VIT: variants seen among roughly 807,000 people sequenced by gnomAD.
VIT encodes the protein vitrin.
In VIT, 99 loss-of-function variants were observed where a neutral mutation model predicts 78.0. The observed-to-expected ratio is 1.27, with a 90% CI of 1.08 to 1.50. The LOEUF is 1.50. Ranked by LOEUF, VIT falls within the 40% of genes most tolerant of loss-of-function variation. The pLI is 0.00. For synonymous variants in VIT, 374 were observed against 334.3 expected, an observed-to-expected ratio of 1.12 and a Z score of -1.29; for missense variants, 1,126 against 875.3, an observed-to-expected ratio of 1.29 and a Z score of -3.61.
Position 36,775,078 on chromosome 2 carries a change from C to A in VIT, c.802+11C>A. The A allele has an allele frequency of 6.2e-7, 1 of 1,613,426 alleles. No individual in the cohort carries two copies. Reference sequence around the variant, plus strand: ...CGGATGTCAGCCTGGGTAAGCTGCCCACTGCTTACCATCTCTGCTCCCTAG... The same window carrying A: ...CGGATGTCAGCCTGGGTAAGCTGCCAACTGCTTACCATCTCTGCTCCCTAG... On this transcript the variant is annotated intron_variant, in intron 9 of 15. Coordinates refer to ENST00000379242, the MANE Select transcript of VIT (RefSeq NM_053276.4).
At chr2:36,735,606 T>C (rs1442301420) in intron 3 of VIT, among the ~76,000 whole-genome samples, 2 of 152,136 alleles carry the variant, frequency 1.3e-5, no homozygotes, top group Non-Finnish European at 2.9e-5. Context: ...TTGGCAGAGG[T>C]GGGGAAGCCC....
intron 1 of VIT, among the ~76,000 whole-genome samples, chr2:36,706,364 A>G (rs1451971722): frequency 6.6e-6 from 1 of 152,246 alleles, no homozygotes; most frequent in Non-Finnish European, 1.5e-5. Flanking sequence ...TGCAGGAAAC[A>G]GAAACCAACT....
intron 4 of VIT, among the ~76,000 whole-genome samples, chr2:36,744,322 C>T (rs1218829394): frequency 1.3e-5 from 2 of 152,094 alleles, no homozygotes; most frequent in African/African-American, 4.8e-5. Context: ...TTGGTATATA[C>T]CCAGCAATGG....
intron 2 of VIT, among the ~76,000 whole-genome samples, chr2:36,726,124 G>A (rs1666830198): frequency 6.6e-6 from 1 of 151,110 alleles, no homozygotes; most frequent in African/African-American, 2.4e-5. Context: ...AAAATTTTAA[G>A]TGAGCATACA....
chr2:36,754,881 T>C (rs377515654), intron 4 of VIT, 40 bp from the exon 5 acceptor site: 1 of 1,596,178 alleles, frequency 6.3e-7, no homozygotes, highest in South Asian at 1.1e-5. Flanking sequence ...TCAAAAAATA[T>C]TTCTGTTCTT....
At chr2:36,763,630 C>T (rs1366154584) in intron 6 of VIT, among the ~76,000 whole-genome samples, 2 of 145,640 alleles carry the variant, frequency 1.4e-5, no homozygotes, top group Non-Finnish European at 3.0e-5. Flanking sequence ...GCTCTTGTTG[C>T]CCAGACTGGA....
chr2:36,743,102 G>C lies in VIT; in HGVS notation c.121G>C (p.Val41Leu). The C allele has an allele frequency of 6.2e-7, 1 of 1,613,966 alleles. No homozygotes were observed. Among genetic ancestry groups the C allele is most frequent in the Non-Finnish European group, 8.5e-7 (1 of 1,179,920 alleles). ...TTGACCTCATTTTGTATTCCCAGCTGTGCCTCAGATCAACTGCGATGTCAA... is the reference window on the plus strand; with the variant it reads ...TTGACCTCATTTTGTATTCCCAGCTCTGCCTCAGATCAACTGCGATGTCAA... ...AKKIKRPKFT[V>L]PQINCDVKAG... is the part of the protein sequence containing the mutation. The change falls in exon 4 of 16, where the codon GTG becomes CTG. Residue 41 changes from valine to leucine, a missense_variant and splice_region_variant. By Grantham distance (32) the Val-to-Leu change is conservative. Coordinates refer to ENST00000379242, the MANE Select transcript of VIT (RefSeq NM_053276.4).
chr2:36,725,040 C>T (rs1321933250), intron 2 of VIT, among the ~76,000 whole-genome samples: 3 of 152,160 alleles, frequency 2.0e-5, no homozygotes, highest in Admixed American at 2.0e-4. Flanking sequence ...AAAAATTAGA[C>T]CTCCGGGACA....
At chr2:36,778,799 T>C (rs1178768856) in intron 9 of VIT, among the ~76,000 whole-genome samples, 1 of 152,154 alleles carries the variant, frequency 6.6e-6, no homozygotes, top group Non-Finnish European at 1.5e-5. Flanking sequence ...CCTTGGGACA[T>C]GAAGCCAGGT....
Position 36,808,652 on chromosome 2 carries a change from G to A in VIT, c.1570G>A (p.Gly524Ser). ...CGACGGCTCCAGCAGTGTGGGGACG[G>A]GCAACTTCCGCACCGTCCTCCAGTT... ...VIDGSSSVGT[G>S]NFRTVLQFVT... Residue 524 changes from glycine to serine, a missense_variant, in exon 15 of 16, where the codon GGC becomes AGC. Gly to Ser is a moderately conservative substitution (Grantham distance 56). Coordinates refer to ENST00000379242, the MANE Select transcript of VIT (RefSeq NM_053276.4). 1 of 1,614,192 alleles carries A rather than the reference G, an allele frequency of 6.2e-7. No homozygotes were observed. The highest frequency in any genetic ancestry group is 8.5e-7 in the Non-Finnish European group (1 of 1,180,044).
intron 14 of VIT, among the ~76,000 whole-genome samples, chr2:36,806,855 G>A (rs745490798): frequency 5.9e-5 from 9 of 152,218 alleles, no homozygotes; most frequent in Admixed American, 2.0e-4. Flanking sequence ...GGGCCACTGC[G>A]CCCGGCCCTA....
At chr2:36,790,223 C>G (rs1191194612) in intron 12 of VIT, among the ~76,000 whole-genome samples, 1 of 152,122 alleles carries the variant, frequency 6.6e-6, no homozygotes, top group African/African-American at 2.4e-5. Context: ...TCCAGGTAGC[C>G]CAGGTGAAGG....
At chr2:36,807,859 C>T in intron 14 of VIT, among the ~76,000 whole-genome samples, 1 of 152,162 alleles carries the variant, frequency 6.6e-6, no homozygotes, top group East Asian at 1.9e-4. Flanking sequence ...AGGGAAGTCC[C>T]CTCATAGCTT....
intron 12 of VIT, among the ~76,000 whole-genome samples, chr2:36,800,270 G>A (rs143188970): frequency 3.9e-5 from 6 of 152,196 alleles, no homozygotes; most frequent in South Asian, 2.1e-4. Context: ...GCTTGAACCC[G>A]GGCGGCAGAG....
chr2:36,771,105 C>A (rs541467770), intron 7 of VIT, among the ~76,000 whole-genome samples: 20 of 152,264 alleles, frequency 1.3e-4, no homozygotes, highest in African/African-American at 4.3e-4. Flanking sequence ...TTGGAGAAGG[C>A]TTTTCTTAAA....
intron 12 of VIT, among the ~76,000 whole-genome samples, chr2:36,791,224 C>T (rs1445790070): frequency 2.0e-5 from 3 of 152,126 alleles, no homozygotes; most frequent in Non-Finnish European, 4.4e-5. Context: ...TCTGACTTGG[C>T]CGCATCTCCT....
intron 7 of VIT, among the ~76,000 whole-genome samples, chr2:36,769,965 GT>G (rs34623008): frequency 6.6e-6 from 1 of 152,146 alleles, no homozygotes; most frequent in Non-Finnish European, 1.5e-5. Context: ...GATAAGTCAT[GT>G]TTTTCCTTCA....
At chr2:36,757,637 T>TC (rs979381329) in intron 5 of VIT, among the ~76,000 whole-genome samples, 2 of 152,200 alleles carry the variant, frequency 1.3e-5, no homozygotes, top group African/African-American at 4.8e-5. Flanking sequence ...CCAGTCCTGT[T>TC]CCCCAGGTGA....
intron 7 of VIT, among the ~76,000 whole-genome samples, chr2:36,771,530 AAAAAAAAGAAAAAGAAAAAG>A (rs1326358487): frequency 6.6e-6 from 1 of 151,278 alleles, no homozygotes; most frequent in African/African-American, 2.4e-5. Flanking sequence ...CATCTCAAAA[AAAAAAAAGAAAAAGAAAAAG>A]AAAAAAAAAA....
Sources: allele counts gnomAD v4.1 joint callset (sites outside exome capture counted in the v4.1 genomes callset), GRCh38; gene constraint gnomAD v4.1.1; transcripts MANE v1.5; gene names NCBI Gene and HGNC (gene_info 2026-07-23, HGNC 2026-07-21).